HTR2C: variants seen among roughly 807,000 people sequenced by gnomAD.
The protein encoded by HTR2C is 5-hydroxytryptamine receptor 2C.
Under a neutral mutation model 21.0 loss-of-function variants are expected in HTR2C, and 5 were observed. The ratio of observed to expected loss-of-function variants is 0.24; its 90% confidence interval spans 0.12 to 0.50. HTR2C has a LOEUF of 0.50. HTR2C is among the 20% of genes least tolerant of loss of function. The pLI, the probability that HTR2C is intolerant of heterozygous loss-of-function variation, is 0.98. For synonymous variants in HTR2C, 150 were observed against 145.3 expected (o/e 1.03, Z -0.23); for missense variants, 271 against 371.2 (o/e 0.73, Z 2.22).
chrX:114,694,488 T>C (rs1260849893), intron 2 of HTR2C, among the ~76,000 whole-genome samples: 354 of 11,524 alleles, frequency 0.031, 15 homozygotes, highest in African/African-American at 0.09. Flanking sequence ...TATATATATA[T>C]ATATACACAC....
intron 4 of HTR2C, among the ~76,000 whole-genome samples, chrX:114,844,092 A>G (rs1464629234): frequency 9.0e-6 from 1 of 111,651 alleles, no homozygotes; most frequent in East Asian, 2.8e-4. Context: ...TATAAAATCC[A>G]GTGGAATTGT....
intron 4 of HTR2C, among the ~76,000 whole-genome samples, chrX:114,762,657 A>C (rs2147380339): frequency 8.9e-6 from 1 of 111,863 alleles, no homozygotes; most frequent in African/African-American, 3.2e-5. Context: ...CCTGCAGATA[A>C]ATTTTGTTTT....
At chrX:114,804,980 G>C (rs1200675094) in intron 4 of HTR2C, among the ~76,000 whole-genome samples, 1 of 111,431 alleles carries the variant, frequency 9.0e-6, no homozygotes, top group Non-Finnish European at 1.9e-5. Flanking sequence ...TGGTGAAAAA[G>C]TATGTCAAAG....
chrX:114,840,966 CG>C (rs1320723872), intron 4 of HTR2C, among the ~76,000 whole-genome samples: 2 of 111,369 alleles, frequency 1.8e-5, no homozygotes, highest in Non-Finnish European at 3.8e-5. Context: ...GGGGTTTGAT[CG>C]CTGCTTCATT....
chrX:114,826,523 A>C (rs1556458550), intron 4 of HTR2C, among the ~76,000 whole-genome samples: 2 of 112,235 alleles, frequency 1.8e-5, no homozygotes, highest in African/African-American at 6.5e-5. Flanking sequence ...GCCAAAAAAT[A>C]AATGAATTTC....
chrX:114,652,792 T>G (rs201199968), intron 2 of HTR2C: 24 of 271,919 alleles, frequency 8.8e-5, no homozygotes, highest in Non-Finnish European at 1.7e-4. Flanking sequence ...ATAAGGAGAA[T>G]GCACAAGTGA....
intron 2 of HTR2C, among the ~76,000 whole-genome samples, chrX:114,620,110 A>G (rs1309878043): frequency 1.8e-5 from 2 of 111,892 alleles, no homozygotes; most frequent in Non-Finnish European, 3.8e-5. Flanking sequence ...CTGGTGAAAA[A>G]TGAGAAGTCT....
intron 2 of HTR2C, among the ~76,000 whole-genome samples, chrX:114,626,388 C>CAA (rs59357830): frequency 0.032 from 2,529 of 78,376 alleles, 35 homozygotes; most frequent in South Asian, 0.06. Context: ...GACCCTGTCA[C>CAA]AAAAAAAAAA....
chrX:114,906,593 A>G lies in HTR2C; in HGVS notation c.555A>G (p.Val185=), dbSNP rs2071374384. The part of the protein sequence containing the change: ...IAIVWAISIG[V]SVPIPVIGLR... ...CCTTCCTTTTTCTTCCTTTAGGTGTATCAGTTCCTATCCCTGTGATTGGAC... is the reference window on the plus strand; with the variant it reads ...CCTTCCTTTTTCTTCCTTTAGGTGTGTCAGTTCCTATCCCTGTGATTGGAC... The change falls in exon 6 of 6, where the codon GTA becomes GTG. Residue 185 remains valine, a synonymous_variant. Transcript: ENST00000276198. The G allele has an allele frequency of 5.9e-6, 7 of 1,187,639 alleles. No individual in the cohort carries two copies. The highest frequency in any genetic ancestry group is 8.0e-6 in the Non-Finnish European group (7 of 879,512).
intron 5 of HTR2C, among the ~76,000 whole-genome samples, chrX:114,865,527 A>G (rs2071038731): frequency 9.0e-6 from 1 of 110,513 alleles, no homozygotes; most frequent in Non-Finnish European, 1.9e-5. Flanking sequence ...ATTCTCCACA[A>G]CCTCCCCAAT....
chrX:114,825,635 T>C (rs782424177), intron 4 of HTR2C, among the ~76,000 whole-genome samples: 1 of 111,538 alleles, frequency 9.0e-6, no homozygotes, highest in Non-Finnish European at 1.9e-5. Context: ...GTCAAGTTTG[T>C]TGGTAATGCT....
At chrX:114,788,131 T>A (rs1417705796) in intron 4 of HTR2C, among the ~76,000 whole-genome samples, 2 of 111,141 alleles carry the variant, frequency 1.8e-5, no homozygotes, top group African/African-American at 6.5e-5. Context: ...GAAAACTAAG[T>A]AATTTCCTGT....
In HTR2C at chrX:114,785,235, T is replaced by C. The variant is rs1192126179; in HGVS notation, c.349+53628T>C. Among the ~76,000 whole-genome samples the C allele has an allele frequency of 3.6e-5, 4 of 111,592 alleles. 1 individual carries two copies. The highest frequency in any genetic ancestry group is 7.5e-5 in the Non-Finnish European group (4 of 53,141). On this transcript the variant is annotated intron_variant, in intron 4 of 5. Coordinates refer to ENST00000276198, the MANE Select transcript of HTR2C (RefSeq NM_000868.4). The stretch of plus-strand genomic sequence containing the variant: ...AAGGAACCAAAAATGTCCAATCTTA[T>C]ATAAAGCATTACAAAGAAATGAAAG...
At chrX:114,787,073 A>G (rs2070182606) in intron 4 of HTR2C, among the ~76,000 whole-genome samples, 1 of 111,603 alleles carries the variant, frequency 9.0e-6, no homozygotes, top group Non-Finnish European at 1.9e-5. Flanking sequence ...TTTGGCATGC[A>G]TTTGTACTAG....
intron 5 of HTR2C, among the ~76,000 whole-genome samples, chrX:114,868,911 A>G (rs2071068564): frequency 9.1e-6 from 1 of 110,340 alleles, no homozygotes; most frequent in Non-Finnish European, 1.9e-5. Context: ...ATACATAGGT[A>G]TACATGTGCC....
At chrX:114,595,162 C>G (rs1556392255) in intron 1 of HTR2C, among the ~76,000 whole-genome samples, 1 of 111,701 alleles carries the variant, frequency 9.0e-6, no homozygotes. Context: ...TGTAAAGTCA[C>G]ACAATTAATT....
At chrX:114,837,933 G>A (rs782280772) in intron 4 of HTR2C, among the ~76,000 whole-genome samples, 2 of 110,979 alleles carry the variant, frequency 1.8e-5, no homozygotes, top group African/African-American at 6.5e-5. Flanking sequence ...AAAATTAAGG[G>A]CACTGCCTTT....
chrX:114,873,588 C>T (rs1386990612), intron 5 of HTR2C, among the ~76,000 whole-genome samples: 1 of 111,826 alleles, frequency 8.9e-6, no homozygotes, highest in East Asian at 2.8e-4. Flanking sequence ...TTTTTTCTTA[C>T]AGATAGAAAA....
intron 4 of HTR2C, among the ~76,000 whole-genome samples, chrX:114,772,815 G>A (rs1172326938): frequency 9.0e-6 from 1 of 111,496 alleles, no homozygotes; most frequent in East Asian, 2.8e-4. Flanking sequence ...GATTTACTTT[G>A]GGATGCCAGA....
Sources: gnomAD v4.1 joint callset for allele counts (sites outside exome capture counted in the v4.1 genomes callset) on GRCh38, gnomAD v4.1.1 for gene constraint, MANE v1.5 for transcripts, NCBI Gene and HGNC (gene_info 2026-07-23, HGNC 2026-07-21) for gene names.